The following RBM10 variants were observed in gnomAD, a reference collection of about 807,000 sequenced individuals.
RBM10 encodes RNA-binding protein 10.
In RBM10, 1 loss-of-function variant was observed where a neutral mutation model predicts 84.9. The observed-to-expected ratio is 0.01, with a 90% CI of 0.00 to 0.06. RBM10 has a LOEUF of 0.06. Ranked by LOEUF, RBM10 falls within the 10% of genes least tolerant of loss-of-function variation. The pLI is 1.00. For missense variants in RBM10, 438 were observed against 839.0 expected, an observed-to-expected ratio of 0.52 and a Z score of 5.90; for synonymous variants, 326 against 344.5, an observed-to-expected ratio of 0.95 and a Z score of 0.60.
intron 2 of RBM10, among the ~76,000 whole-genome samples, chrX:47,151,601 A>G (rs1306377255): frequency 8.9e-6 from 1 of 112,027 alleles, no homozygotes; most frequent in Non-Finnish European, 1.9e-5. Flanking sequence ...TGTGGCAGAA[A>G]GTCCAAAGGA....
chrX:47,174,588 G>T (rs782270447), intron 5 of RBM10, among the ~76,000 whole-genome samples: 89 of 111,614 alleles, frequency 8.0e-4, no homozygotes, highest in Non-Finnish European at 1.1e-3. Flanking sequence ...GCCCGCCCTG[G>T]AGTTACGTAT....
intron 4 of RBM10, 141 bp downstream of exon 4, chrX:47,171,399 A>G: frequency 2.0e-6 from 2 of 981,377 alleles, no homozygotes; most frequent in Admixed American, 3.2e-5. Flanking sequence ...CCCAGCACTG[A>G]TCCGTCCTCT....
At chrX:47,158,003 C>T (rs1246154342) in intron 2 of RBM10, 2 of 170,597 alleles carry the variant, frequency 1.2e-5, no homozygotes, top group East Asian at 1.7e-4. Context: ...CTTGAACTCT[C>T]GACCTCAGGT....
At chrX:47,180,636 G>T in intron 12 of RBM10, 130 bp downstream of exon 12, 1 of 1,085,900 alleles carries the variant, frequency 9.2e-7, no homozygotes, top group Non-Finnish European at 1.2e-6. Flanking sequence ...AGCTGGCATG[G>T]CTATTCTACC....
At chrX:47,155,800 T>A (rs1489332660) in intron 2 of RBM10, among the ~76,000 whole-genome samples, 3 of 105,392 alleles carry the variant, frequency 2.8e-5, no homozygotes, top group Non-Finnish European at 5.8e-5. Flanking sequence ...TCTTTTTTTT[T>A]CTTCTTTCTT....
chrX:47,160,351 A>G (rs1473939110), intron 2 of RBM10, among the ~76,000 whole-genome samples: 6 of 112,151 alleles, frequency 5.3e-5, no homozygotes, highest in Non-Finnish European at 1.1e-4. Flanking sequence ...CATAAGCTAC[A>G]CATCTGACAA....
chrX:47,178,337 T>G (rs2147161899), intron 7 of RBM10, among the ~76,000 whole-genome samples: 1 of 111,540 alleles, frequency 9.0e-6, no homozygotes, highest in African/African-American at 3.3e-5. Flanking sequence ...AAAATGAAAC[T>G]TCTGGGCATC....
intron 2 of RBM10, among the ~76,000 whole-genome samples, chrX:47,162,672 G>A (rs1329200815): frequency 9.1e-6 from 1 of 109,622 alleles, no homozygotes; most frequent in African/African-American, 3.3e-5. Flanking sequence ...TCAGGAGATC[G>A]AGACCAGCCT....
chrX:47,176,529 G>T lies in RBM10; in HGVS notation c.606G>T (p.Val202=). Residue 202 remains valine (V), a synonymous_variant, in exon 7 of 24, where the codon GTG becomes GTT. Transcript: ENST00000377604. ...CCCTCAACATCCTGGGCCAGAAGGTGTCGATGCACTACAGTGACCCCAAGC... is the reference window on the plus strand; with the variant it reads ...CCCTCAACATCCTGGGCCAGAAGGTTTCGATGCACTACAGTGACCCCAAGC... ...QHSLNILGQK[V]SMHYSDPKPK... 1 of 1,211,607 alleles carries T rather than the reference G, an allele frequency of 8.3e-7. No individual in the cohort carries two copies. Among genetic ancestry groups the T allele is most frequent in the South Asian group, 1.8e-5 (1 of 56,965 alleles).
In RBM10 at chrX:47,185,033, T is replaced by G. The variant is rs1186548289; in HGVS notation, c.1951-22T>G. On this transcript the variant is annotated intron_variant, in intron 17 of 23. Transcript: ENST00000377604. ...CAGGGTCATGAGGGTTCTGGGAACC[T>G]CACCTCCACCCTCACCCCCAGATTG... 4 of 1,199,605 alleles carry G rather than the reference T, an allele frequency of 3.3e-6. No individual in the cohort carries two copies. In the African/African-American group the frequency reaches 7.1e-5, roughly 21 times the overall value.
chrX:47,167,378 C>CTTTTTTT (rs59244074), intron 2 of RBM10, among the ~76,000 whole-genome samples: 1 of 88,506 alleles, frequency 1.1e-5, no homozygotes, highest in African/African-American at 4.1e-5. Context: ...GATTTCATTT[C>CTTTTTTT]TTTTTTTTTT....
In RBM10 at chrX:47,180,083, C is replaced by T. The variant is rs1556778255; in HGVS notation, c.1062+43C>T. 6 of 1,201,787 alleles carry T rather than the reference C, an allele frequency of 5.0e-6. No homozygotes were observed. In the Admixed American group the frequency reaches 1.3e-4, roughly 26 times the overall value. ...GGGGGCCGGGCAGCCAGGGTCCCGG[C>T]CCCCGGGGTGGAGACGAGGGTCCTT... On this transcript the variant is annotated intron_variant, in intron 10 of 23. Transcript: ENST00000377604.
At chrX:47,185,237 C>T (rs1463121890) in intron 18 of RBM10, 33 bp downstream of exon 18, 1 of 1,211,081 alleles carries the variant, frequency 8.3e-7, no homozygotes, top group East Asian at 3.0e-5. Context: ...CACCCTGCCC[C>T]ACAATCTTGT....
chrX:47,181,366 G>T lies in RBM10; in HGVS notation c.1400G>T (p.Gly467Val), dbSNP rs782379006. Reference sequence around the variant, plus strand: ...TACCTCAAGGGCACCAAGGGCCCTGGCATCACTGGAACCAAAGGGGATCCC... The same window carrying T: ...TACCTCAAGGGCACCAAGGGCCCTGTCATCACTGGAACCAAAGGGGATCCC... ...HGYLKGTKGPGITGTKGDPTG... is the reference protein window; with the variant it reads ...HGYLKGTKGPVITGTKGDPTG... The change falls in exon 13 of 24, where the codon GGC becomes GTC. Residue 467 changes from glycine (G) to valine (V), a missense_variant. By Grantham distance (109) the Gly-to-Val change is moderately radical. This residue lies in a region of RBM10 where 97 missense variants were observed against 110.3 expected (regional missense o/e 0.88). Coordinates refer to ENST00000377604, the MANE Select transcript of RBM10 (RefSeq NM_005676.5). The T allele has an allele frequency of 8.3e-7, 1 of 1,206,509 alleles. No individual in the cohort carries two copies.
chrX:47,157,844 A>G (rs1165446022), intron 2 of RBM10: 5 of 305,870 alleles, frequency 1.6e-5, no homozygotes, highest in African/African-American at 3.0e-5. Context: ...CAGTGGTGTG[A>G]TCTCAGCTCG....
rs2147064836 is a variant in RBM10 at position 47,147,411 on chromosome X, G to C, written c.-71G>C. The C allele has an allele frequency of 8.3e-7, 1 of 1,209,239 alleles. No individual in the cohort carries two copies. Among genetic ancestry groups the C allele is most frequent in the Non-Finnish European group, 1.1e-6 (1 of 893,725 alleles). The stretch of plus-strand genomic sequence containing the variant: ...GCAGATCATGGTAGCAGCAGCGGGG[G>C]TGGCTGGGAAGTGAAACGGAGCCAG... On this transcript the variant is annotated 5_prime_UTR_variant, in exon 2 of 24. Transcript: ENST00000377604.
intron 3 of RBM10, among the ~76,000 whole-genome samples, chrX:47,169,848 C>T (rs1331459463): frequency 5.3e-5 from 6 of 112,229 alleles, no homozygotes; most frequent in African/African-American, 9.7e-5. Flanking sequence ...CCATGGGACC[C>T]GGCGTCTGGG....
chrX:47,165,456 A>G (rs1556768498), intron 2 of RBM10, among the ~76,000 whole-genome samples: 1 of 102,414 alleles, frequency 9.8e-6, no homozygotes, highest in African/African-American at 3.6e-5. Context: ...CAGAGGTTAC[A>G]GTGAGCCAAG....
At chrX:47,159,175 C>T (rs1028544016) in intron 2 of RBM10, among the ~76,000 whole-genome samples, 2 of 112,033 alleles carry the variant, frequency 1.8e-5, no homozygotes, top group South Asian at 7.3e-4. Flanking sequence ...TTTGAGAGGC[C>T]GAGGTGGGCA....
Sources: gnomAD v4.1 joint callset for allele counts (sites outside exome capture counted in the v4.1 genomes callset) on GRCh38, gnomAD v4.1.1 for gene constraint, gnomAD v4.1.1 regional missense constraint, MANE v1.5 for transcripts, NCBI Gene and HGNC (gene_info 2026-07-23, HGNC 2026-07-21) for gene names.